The following DENND2B variants were observed in gnomAD, a reference collection of about 807,000 sequenced individuals.
The protein encoded by DENND2B is DENN domain containing 2B, also known as DENN domain-containing protein 2B.
DENND2B carries 32 observed loss-of-function variants against 116.0 expected under a neutral mutation model. That is an observed-to-expected ratio of 0.28 (90% CI 0.21 to 0.37). The LOEUF (loss-of-function observed/expected upper bound fraction) is 0.37. DENND2B is among the 10% of genes least tolerant of loss of function. DENND2B has a pLI of 1.00. For synonymous variants in DENND2B, 588 were observed against 583.9 expected, an observed-to-expected ratio of 1.01 and a Z score of -0.10; for missense variants, 1,276 against 1,477.7, an observed-to-expected ratio of 0.86 and a Z score of 2.24.
chr11:8,906,677 T>A (rs1198034677), intron 1 of DENND2B, among the ~76,000 whole-genome samples: 1 of 152,154 alleles, frequency 6.6e-6, no homozygotes, highest in East Asian at 1.9e-4. Context: ...ATTGTGAAAG[T>A]TAATTCTCAG....
intron 1 of DENND2B, chr11:8,810,036 G>A: frequency 7.0e-6 from 1 of 142,248 alleles, no homozygotes; most frequent in East Asian, 2.1e-4. Flanking sequence ...GCTCCTGGCT[G>A]AGCTTAATTA....
intron 2 of DENND2B, chr11:8,877,564 T>C (rs1474039853): frequency 4.6e-5 from 7 of 152,244 alleles, no homozygotes; most frequent in Non-Finnish European, 1.0e-4. Flanking sequence ...AAAAATTTAC[T>C]CATTTGAAAC....
At chr11:8,773,602 A>T (rs1331567058) in intron 1 of DENND2B, among the ~76,000 whole-genome samples, 1 of 152,186 alleles carries the variant, frequency 6.6e-6, no homozygotes, top group Non-Finnish European at 1.5e-5. Context: ...CTGAAACTAG[A>T]TGTCAAAGCC....
intron 8 of DENND2B, 123 bp downstream of exon 8, chr11:8,713,875 G>T: frequency 2.9e-6 from 3 of 1,031,158 alleles, no homozygotes; most frequent in Admixed American, 3.5e-5. Context: ...TATCTGGCCT[G>T]TCTGTCACCT....
At chr11:8,854,936 T>C (rs2063142085) in intron 3 of DENND2B, among the ~76,000 whole-genome samples, 1 of 152,146 alleles carries the variant, frequency 6.6e-6, no homozygotes, top group African/African-American at 2.4e-5. Flanking sequence ...AGTCTCAAAC[T>C]CCTGGCCTCA....
chr11:8,725,013 G>A (rs553508029), intron 4 of DENND2B, among the ~76,000 whole-genome samples: 8 of 152,362 alleles, frequency 5.3e-5, no homozygotes, highest in African/African-American at 1.2e-4. Context: ...GTGTGAACAC[G>A]AAGCTCATGC....
chr11:8,885,370 G>C (rs555694768), intron 1 of DENND2B, among the ~76,000 whole-genome samples: 1 of 152,352 alleles, frequency 6.6e-6, no homozygotes, highest in Non-Finnish European at 1.5e-5. Flanking sequence ...GAAGGACAAA[G>C]TAATTAAGAG....
chr11:8,875,171 A>C (rs1460932024), upstream of DENND2B, among the ~76,000 whole-genome samples: 1 of 151,650 alleles, frequency 6.6e-6, no homozygotes, highest in Non-Finnish European at 1.5e-5. Context: ...AAGATACAAA[A>C]AATTAGCCGG....
At chr11:8,695,267 AGGACCAC>A (rs1312406137) in intron 19 of DENND2B, among the ~76,000 whole-genome samples, 189 bp downstream of exon 19, 1 of 152,156 alleles carries the variant, frequency 6.6e-6, no homozygotes, top group African/African-American at 2.4e-5. Flanking sequence ...CAGATATTGA[AGGACCAC>A]TACTGTGCAA....
At chr11:8,889,112 G>C (rs2063994907) in intron 1 of DENND2B, among the ~76,000 whole-genome samples, 1 of 152,166 alleles carries the variant, frequency 6.6e-6, no homozygotes, top group Admixed American at 6.5e-5. Flanking sequence ...GGGTCTCAAA[G>C]AGATATTTAT....
At chr11:8,847,156 G>A (rs1241512007) in intron 3 of DENND2B, among the ~76,000 whole-genome samples, 1 of 152,208 alleles carries the variant, frequency 6.6e-6, no homozygotes, top group Non-Finnish European at 1.5e-5. Flanking sequence ...TCTACCTGAG[G>A]CTGTAGCACC....
At chr11:8,719,197 G>A (rs926425332) in intron 4 of DENND2B, 2 of 985,516 alleles carry the variant, frequency 2.0e-6, no homozygotes, top group African/African-American at 3.5e-5. Context: ...CTTTCCTAGA[G>A]AGGACACGGG....
intron 4 of DENND2B, among the ~76,000 whole-genome samples, chr11:8,816,084 A>G (rs2061558847): frequency 6.6e-6 from 1 of 152,232 alleles, no homozygotes; most frequent in Admixed American, 6.5e-5. Context: ...TTTGGGATCA[A>G]AGAAATTCAA....
At chr11:8,760,435 G>T (rs1184394562) in intron 1 of DENND2B, among the ~76,000 whole-genome samples, 3 of 152,140 alleles carry the variant, frequency 2.0e-5, no homozygotes, top group Non-Finnish European at 4.4e-5. Context: ...CTAGGCAACA[G>T]AGCGAGACCC....
chr11:8,728,240 T>C (rs1357974235), intron 3 of DENND2B, among the ~76,000 whole-genome samples: 1 of 152,156 alleles, frequency 6.6e-6, no homozygotes, highest in African/African-American at 2.4e-5. Context: ...TGGTCTTAAA[T>C]GATCCTCCCA....
At chr11:8,812,488 T>A (rs552211545), upstream of DENND2B, among the ~76,000 whole-genome samples, 32 of 149,122 alleles carry the variant, frequency 2.1e-4, no homozygotes, top group African/African-American at 7.8e-4. Context: ...TTTAACAGAT[T>A]TTTTTTTTTT....
At chr11:8,749,871 A>G (rs989195272) in intron 2 of DENND2B, among the ~76,000 whole-genome samples, 1 of 152,250 alleles carries the variant, frequency 6.6e-6, no homozygotes, top group Non-Finnish European at 1.5e-5. Context: ...ATCAGTGTCC[A>G]GCCTTGGCCA....
chr11:8,900,365 G>C (rs1220636687), intron 1 of DENND2B, among the ~76,000 whole-genome samples: 1 of 151,044 alleles, frequency 6.6e-6, no homozygotes, highest in Non-Finnish European at 1.5e-5. Flanking sequence ...CCGGGAGGTG[G>C]AGCTTGCAGT....
chr11:8,829,007 ATG>A (rs993972379), intron 4 of DENND2B, among the ~76,000 whole-genome samples: 3 of 133,708 alleles, frequency 2.2e-5, no homozygotes, highest in African/African-American at 8.4e-5. Flanking sequence ...TGTGTGTAGT[ATG>A]TGTGGAGTGT....
Sources: gnomAD v4.1 joint callset for allele counts (sites outside exome capture counted in the v4.1 genomes callset) on GRCh38, gnomAD v4.1.1 for gene constraint, MANE v1.5 for transcripts, NCBI Gene and HGNC (gene_info 2026-07-23, HGNC 2026-07-21) for gene names.